Variants in TEAD4 observed in about 807,000 individuals in gnomAD.
The protein encoded by TEAD4 is TEA domain transcription factor 4.
Under a neutral mutation model 52.4 loss-of-function variants are expected in TEAD4, and 36 were observed. The ratio of observed to expected loss-of-function variants is 0.69; its 90% CI spans 0.53 to 0.91. TEAD4 has a LOEUF of 0.91. TEAD4 is among the 40% of genes least tolerant of loss of function. The pLI is 0.00. For missense variants in TEAD4, 508 were observed against 583.9 expected (o/e 0.87, Z 1.34); for synonymous variants, 220 against 231.0 (o/e 0.95, Z 0.43).
chr12:3,005,225 G>A (rs563454887), intron 3 of TEAD4, among the ~76,000 whole-genome samples: 140 of 152,324 alleles, frequency 9.2e-4, no homozygotes, highest in African/African-American at 3.2e-3. Flanking sequence ...CGGGCATGAC[G>A]GGGAGATGTT....
At chr12:3,039,789 G>A (rs1034952746) in intron 11 of TEAD4, among the ~76,000 whole-genome samples, 1 of 152,240 alleles carries the variant, frequency 6.6e-6, no homozygotes, top group African/African-American at 2.4e-5. Flanking sequence ...CCGGGTTCAA[G>A]CGATTCTCCT....
At chr12:3,001,641 G>A (rs773589501) in intron 3 of TEAD4, among the ~76,000 whole-genome samples, 21 of 152,110 alleles carry the variant, frequency 1.4e-4, no homozygotes, top group Non-Finnish European at 2.9e-4. Flanking sequence ...GCCGGGTGTG[G>A]TGGTGTGCAT....
intron 5 of TEAD4, 67 bp downstream of exon 5, chr12:3,012,299 G>A: frequency 6.5e-7 from 1 of 1,547,506 alleles, no homozygotes; most frequent in Admixed American, 1.8e-5. Context: ...TCTTCCCTTT[G>A]GGGTCAGGGC....
intron 4 of TEAD4, 67 bp from the exon 5 acceptor site, chr12:3,012,103 A>G (rs910217916): frequency 1.9e-6 from 3 of 1,559,594 alleles, no homozygotes; most frequent in African/African-American, 1.4e-5. Flanking sequence ...GGCGAGAGTC[A>G]GGAAGCCAGG....
chr12:3,032,955 C>T (rs912463567), intron 10 of TEAD4, among the ~76,000 whole-genome samples: 1 of 152,244 alleles, frequency 6.6e-6, no homozygotes, highest in African/African-American at 2.4e-5. Flanking sequence ...CTTCTGCTCC[C>T]TGGCCTGGTC....
At chr12:3,008,140 G>A (rs574016133) in intron 3 of TEAD4, among the ~76,000 whole-genome samples, 11 of 152,312 alleles carry the variant, frequency 7.2e-5, no homozygotes, top group African/African-American at 1.9e-4. Flanking sequence ...GTTAGATTAT[G>A]TATTATGCTA....
At chr12:2,971,911 C>G (rs1324063636) in intron 2 of TEAD4, among the ~76,000 whole-genome samples, 3 of 138,502 alleles carry the variant, frequency 2.2e-5, no homozygotes, top group Non-Finnish European at 4.5e-5. Context: ...CTCCCGGGTT[C>G]AAGTGATTCT....
intron 2 of TEAD4, among the ~76,000 whole-genome samples, chr12:2,971,557 G>A (rs1246097455): frequency 2.0e-5 from 3 of 148,916 alleles, no homozygotes; most frequent in Non-Finnish European, 3.0e-5. Context: ...CTCACTGCAA[G>A]CTCCGCCTCC....
chr12:3,033,955 G>A (rs2098277615), intron 10 of TEAD4, among the ~76,000 whole-genome samples: 1 of 149,548 alleles, frequency 6.7e-6, no homozygotes, highest in Non-Finnish European at 1.5e-5. Context: ...AGGTGCTCTG[G>A]GGCGGTTCGT....
At chr12:2,974,593 C>G (rs2098227927) in intron 2 of TEAD4, among the ~76,000 whole-genome samples, 1 of 152,200 alleles carries the variant, frequency 6.6e-6, no homozygotes, top group African/African-American at 2.4e-5. Flanking sequence ...TGGAGTCCTA[C>G]TTTCCCGGAG....
At chr12:2,976,291 C>T (rs754420680) in intron 2 of TEAD4, among the ~76,000 whole-genome samples, 11 of 151,858 alleles carry the variant, frequency 7.2e-5, no homozygotes, top group Non-Finnish European at 1.5e-4. Context: ...GGATTACAGG[C>T]GTGAACCTCC....
Position 2,990,461 on chromosome 12 carries a change from C to CTTTTTTTTTTTTTTTTTTTTTTTTTTT in TEAD4, c.-29-4276_-29-4250dup, listed in dbSNP as rs71057876. ...TAGAATTTAGGCTAAGACAGATAAT[C>CTTTTTTTTTTTTTTTTTTTTTTTTTTT]TTTTTTTTTTTTTTTTTTTTTTTTT... On this transcript the variant is annotated intron_variant, in intron 2 of 12. Transcript: ENST00000359864. Among the ~76,000 whole-genome samples, 9 of 67,038 alleles carry CTTTTTTTTTTTTTTTTTTTTTTTTTTT rather than the reference C, an allele frequency of 1.3e-4. 3 individuals are homozygous for CTTTTTTTTTTTTTTTTTTTTTTTTTTT. Among genetic ancestry groups the CTTTTTTTTTTTTTTTTTTTTTTTTTTT allele is most frequent in the African/African-American group, 5.3e-4 (9 of 17,018 alleles). 44.0% of individuals were successfully genotyped at this position (67,038 alleles called of 152,430 possible). A position where few individuals can be genotyped will look rare whatever the true frequency, so the allele number is the denominator to read the frequency against.
At chr12:2,963,374 T>A (rs1591549536) in intron 2 of TEAD4, among the ~76,000 whole-genome samples, 2 of 152,180 alleles carry the variant, frequency 1.3e-5, no homozygotes, top group Admixed American at 6.5e-5. Flanking sequence ...CCAGTGGCAG[T>A]TGGAAATTCA....
Position 3,011,007 on chromosome 12 carries a change from G to A in TEAD4, c.230G>A (p.Arg77Gln), listed in dbSNP as rs1291664123. The A allele has an allele frequency of 3.1e-6, 5 of 1,614,098 alleles. No individual in the cohort carries two copies. Among genetic ancestry groups the A allele is most frequent in the Middle Eastern group, 1.7e-4 (1 of 6,060 alleles). Residue 77 changes from arginine to glutamine, a missense_variant, in exon 4 of 13, where the codon CGG (arginine) becomes CAG (glutamine). By Grantham distance (43) the Arg-to-Gln change is conservative. Coordinates refer to ENST00000359864, the MANE Select transcript of TEAD4 (RefSeq NM_003213.4). ...GAGGCTGCTGGTGTCTCTGCAGGTC[G>A]GAACGAGCTGATTGCCCGCTACATC...
At chr12:2,992,663 C>T (rs1021232153) in intron 2 of TEAD4, among the ~76,000 whole-genome samples, 1 of 152,024 alleles carries the variant, frequency 6.6e-6, no homozygotes, top group African/African-American at 2.4e-5. Flanking sequence ...CATTGCTCCT[C>T]AAGGCTAGTG....
At chr12:2,976,657 C>G (rs12310078) in intron 2 of TEAD4, among the ~76,000 whole-genome samples, 141,145 of 152,130 alleles carry the variant, frequency 0.93, 65,844 homozygotes, top group Middle Eastern at 1. Flanking sequence ...CCCCTGACGC[C>G]GAAGGGGTTG....
At chr12:3,034,628 T>C (rs1156426027) in intron 10 of TEAD4, among the ~76,000 whole-genome samples, 1 of 152,114 alleles carries the variant, frequency 6.6e-6, no homozygotes, top group Non-Finnish European at 1.5e-5. Context: ...TGAATATGCA[T>C]TTTTTTAAAT....
intron 3 of TEAD4, among the ~76,000 whole-genome samples, chr12:2,996,389 T>C (rs1440377515): frequency 6.6e-6 from 1 of 151,928 alleles, no homozygotes; most frequent in Non-Finnish European, 1.5e-5. Context: ...GCTTATTTTT[T>C]CCTTTTTCTT....
intron 2 of TEAD4, among the ~76,000 whole-genome samples, chr12:2,975,832 C>T (rs1027031920): frequency 2.6e-5 from 4 of 152,114 alleles, no homozygotes; most frequent in Admixed American, 6.6e-5. Context: ...CTCCAGGTTC[C>T]GTTTATTCAT....
Sources: allele counts gnomAD v4.1 joint callset (sites outside exome capture counted in the v4.1 genomes callset), GRCh38; gene constraint gnomAD v4.1.1; transcripts MANE v1.5; gene names NCBI Gene and HGNC (gene_info 2026-07-23, HGNC 2026-07-21).